Variants in CORIN observed in about 807,000 individuals in gnomAD.
CORIN encodes the protein atrial natriuretic peptide-converting enzyme.
Under a neutral mutation model 125.3 loss-of-function variants are expected in CORIN, and 117 were observed. The ratio of observed to expected loss-of-function variants is 0.93; its 90% CI spans 0.80 to 1.09. CORIN has a LOEUF of 1.09. CORIN is among the 50% of genes least tolerant of loss of function. The pLI is 0.00. For missense variants in CORIN, 1,253 were observed against 1,306.7 expected (o/e 0.96, Z 0.63); for synonymous variants, 450 against 466.4 (o/e 0.96, Z 0.45).
At chr4:47,717,968 A>C (rs1032185846) in intron 5 of CORIN, among the ~76,000 whole-genome samples, 3 of 152,186 alleles carry the variant, frequency 2.0e-5, no homozygotes, top group Non-Finnish European at 2.9e-5. Context: ...ACGAGAGGTG[A>C]GAAGGAGGAA....
chr4:47,820,841 C>T (rs970304392), intron 1 of CORIN, among the ~76,000 whole-genome samples: 1 of 152,172 alleles, frequency 6.6e-6, no homozygotes, highest in Non-Finnish European at 1.5e-5. Flanking sequence ...CACAAATATT[C>T]ATTTAATTAC....
intron 1 of CORIN, among the ~76,000 whole-genome samples, chr4:47,820,109 C>T (rs576396639): frequency 6.6e-6 from 1 of 152,082 alleles, no homozygotes; most frequent in Admixed American, 6.5e-5. Flanking sequence ...TCAAATGGAA[C>T]CATCCATGGT....
chr4:47,606,178 TTAAA>T (rs1403478072), intron 19 of CORIN, among the ~76,000 whole-genome samples: 1 of 152,188 alleles, frequency 6.6e-6, no homozygotes, highest in Non-Finnish European at 1.5e-5. Context: ...AGGTAGACAA[TTAAA>T]TAAACAATTA....
chr4:47,785,739 C>G (rs916729030), intron 3 of CORIN, among the ~76,000 whole-genome samples: 4 of 151,896 alleles, frequency 2.6e-5, no homozygotes, highest in African/African-American at 9.7e-5. Flanking sequence ...TGGTGAAACC[C>G]TGTCTCTACT....
intron 5 of CORIN, among the ~76,000 whole-genome samples, chr4:47,743,233 G>A (rs1256316645): frequency 6.6e-6 from 1 of 151,862 alleles, no homozygotes; most frequent in African/African-American, 2.4e-5. Context: ...TGATATTATG[G>A]ACCCATTAAA....
At chr4:47,825,451 C>A (rs1438139009) in intron 1 of CORIN, among the ~76,000 whole-genome samples, 1 of 152,144 alleles carries the variant, frequency 6.6e-6, no homozygotes, top group Non-Finnish European at 1.5e-5. Context: ...GACAATGGGA[C>A]CCAGCGATCC....
intron 19 of CORIN, among the ~76,000 whole-genome samples, chr4:47,609,003 AT>A (rs35282247): frequency 0.27 from 40,873 of 151,942 alleles, 5,648 homozygotes; most frequent in Admixed American, 0.35. Flanking sequence ...TATATTTAAT[AT>A]TTTTCCTGTT....
In CORIN at chr4:47,812,364, G is replaced by A. The variant is rs569289099; in HGVS notation, c.64-5317C>T. 1.9e-3 allele frequency among the ~76,000 whole-genome samples: 295 copies of A among 152,184 alleles called. 2 individuals carry two copies. The highest frequency in any genetic ancestry group is 6.5e-3 in the African/African-American group (269 of 41,528). On this transcript the variant is annotated intron_variant, in intron 1 of 21. Coordinates refer to ENST00000273857, the MANE Select transcript of CORIN (RefSeq NM_006587.4). ...AAGAAAAAAAATTAATGTTAGCCAA[G>A]CATGGTGGTTGTTGCCTGTAGTCCC...
At chr4:47,811,410 C>T (rs1732056368) in intron 1 of CORIN, among the ~76,000 whole-genome samples, 1 of 152,164 alleles carries the variant, frequency 6.6e-6, no homozygotes, top group Non-Finnish European at 1.5e-5. Flanking sequence ...ATTTCAAGTA[C>T]ATAAGTCTTT....
chr4:47,595,502 G>T lies in CORIN; in HGVS notation c.*219C>A. 13 of 332,640 alleles carry T rather than the reference G, an allele frequency of 3.9e-5. No homozygotes were observed. Among genetic ancestry groups the T allele is most frequent in the East Asian group, 5.0e-5 (1 of 20,194 alleles). The allele number at this position is 332,640 out of a possible 1,614,324, so 20.6% of individuals were successfully genotyped here. A position where few individuals can be genotyped will look rare whatever the true frequency, so the allele number is the denominator to read the frequency against. On this transcript the variant is annotated 3_prime_UTR_variant, in exon 22 of 22. Transcript: ENST00000273857. ...GACAAAGTCTGCTTTGTTTGCTTTT[G>T]TAAAGTCTTTCATTGAACTTGAAAT...
intron 1 of CORIN, among the ~76,000 whole-genome samples, chr4:47,828,652 AC>A (rs1732840137): frequency 1.3e-5 from 2 of 152,302 alleles, no homozygotes; most frequent in South Asian, 4.1e-4. Flanking sequence ...GTCCCTTTTG[AC>A]AATTTTGACA....
At chr4:47,671,868 C>T (rs557985155) in intron 10 of CORIN, among the ~76,000 whole-genome samples, 43 of 152,272 alleles carry the variant, frequency 2.8e-4, no homozygotes, top group Admixed American at 5.2e-4. Context: ...GGATTACAGG[C>T]GTGAGCCACC....
chr4:47,790,229 G>A (rs1275315490), intron 2 of CORIN: 2 of 984,936 alleles, frequency 2.0e-6, no homozygotes, highest in Non-Finnish European at 2.4e-6. Context: ...ACCTCTTCAT[G>A]GGGCTGGCTG....
chr4:47,631,076 G>T (rs1722784868), intron 16 of CORIN, among the ~76,000 whole-genome samples: 1 of 152,126 alleles, frequency 6.6e-6, no homozygotes, highest in African/African-American at 2.4e-5. Flanking sequence ...CTATTGACAA[G>T]TTATACCAGT....
At chr4:47,782,142 C>T (rs112753998) in intron 3 of CORIN, among the ~76,000 whole-genome samples, 1,594 of 151,888 alleles carry the variant, frequency 0.01, 36 homozygotes, top group African/African-American at 0.036. Context: ...CTCAGCACTT[C>T]GGGAGGCCAA....
At chr4:47,623,069 CCTCTCT>C (rs372736248) in intron 19 of CORIN, among the ~76,000 whole-genome samples, 48 of 93,592 alleles carry the variant, frequency 5.1e-4, no homozygotes, top group Admixed American at 1.1e-3. Flanking sequence ...CATAACATAA[CCTCTCT>C]CTCTCTCTCT....
intron 4 of CORIN, among the ~76,000 whole-genome samples, chr4:47,754,338 G>T (rs1342725883): frequency 6.6e-6 from 1 of 152,112 alleles, no homozygotes; most frequent in Non-Finnish European, 1.5e-5. Flanking sequence ...TAAACAGCCA[G>T]GTTGCCAGAA....
chr4:47,750,654 G>A (rs1198719270), intron 4 of CORIN, among the ~76,000 whole-genome samples: 2 of 152,162 alleles, frequency 1.3e-5, no homozygotes, highest in East Asian at 1.9e-4. Flanking sequence ...GATAGGGGTC[G>A]TGGCCTCTTA....
At chr4:47,828,257 G>A (rs1403764352) in intron 1 of CORIN, among the ~76,000 whole-genome samples, 2 of 152,046 alleles carry the variant, frequency 1.3e-5, no homozygotes, top group Admixed American at 6.5e-5. Flanking sequence ...TCTAACTTTT[G>A]TTCTAACGAG....
Sources: allele counts gnomAD v4.1 joint callset (sites outside exome capture counted in the v4.1 genomes callset), GRCh38; gene constraint gnomAD v4.1.1; transcripts MANE v1.5; gene names NCBI Gene and HGNC (gene_info 2026-07-23, HGNC 2026-07-21).